Variants in PIGP observed in about 807,000 individuals in gnomAD.
PIGP encodes phosphatidylinositol glycan anchor biosynthesis class P.
In PIGP, 12 loss-of-function variants were observed where a neutral mutation model predicts 16.9. The observed-to-expected ratio is 0.71, with a 90% confidence interval of 0.46 to 1.15. The LOEUF (loss-of-function observed/expected upper bound fraction) is 1.15, where lower values mean the gene tolerates loss of function less well. Among genes scored for constraint, PIGP ranks in the 50% most tolerant of loss-of-function variants. PIGP has a pLI of 0.00. For missense variants in PIGP, 159 were observed against 153.5 expected (o/e 1.04, Z -0.19); for synonymous variants, 57 against 54.7 (o/e 1.04, Z -0.18).
At chr21:37,067,492 T>C (rs1157898259) in intron 3 of PIGP, 112 bp from the exon 4 acceptor site, 2 of 672,942 alleles carry the variant, frequency 3.0e-6, no homozygotes, top group South Asian at 1.8e-5. Flanking sequence ...TAAAGTAATA[T>C]GTGTACATAA....
intron 2 of PIGP, among the ~76,000 whole-genome samples, chr21:37,071,411 C>T (rs1204205835): frequency 6.6e-6 from 1 of 152,154 alleles, no homozygotes. Context: ...CTGTTTCATG[C>T]GTCATAAGCA....
chr21:37,066,098 A>T (rs932939874), intron 4 of PIGP, among the ~76,000 whole-genome samples: 4 of 151,258 alleles, frequency 2.6e-5, no homozygotes, highest in African/African-American at 4.9e-5. Context: ...TAAAAAATAA[A>T]AAATAAATAA....
At chr21:37,071,789 A>G (rs2070060453) in intron 2 of PIGP, among the ~76,000 whole-genome samples, 1 of 152,086 alleles carries the variant, frequency 6.6e-6, no homozygotes, top group African/African-American at 2.4e-5. Flanking sequence ...TGGGCATATT[A>G]GTGTCTTAGT....
intron 3 of PIGP, among the ~76,000 whole-genome samples, 197 bp from the exon 4 acceptor site, chr21:37,067,577 A>G (rs1166468774): frequency 6.6e-6 from 1 of 152,096 alleles, no homozygotes; most frequent in Non-Finnish European, 1.5e-5. Context: ...CTGGGGTCTC[A>G]CTCTCCAAAA....
rs192568600 is a variant in PIGP, at chr21:37,066,542, T to C, written c.274+720A>G. 2.6e-5 allele frequency among the ~76,000 whole-genome samples: 4 copies of C among 151,930 alleles called. No homozygotes were observed. The East Asian group carries it at 7.7e-4, about 29-fold the overall frequency. ...TCTAGAATTTAAGCAAGCTCAGGAG[T>C]CTGATTTATTTTCATCTTTAGACTT... On this transcript the variant is annotated intron_variant, in intron 4 of 4. Transcript: ENST00000360525.
intron 2 of PIGP, 130 bp downstream of exon 2, chr21:37,072,304 A>C: frequency 6.2e-7 from 1 of 1,601,278 alleles, no homozygotes; most frequent in Non-Finnish European, 8.5e-7. Context: ...AGATCCCTTC[A>C]GATTTTCTTA....
chr21:37,071,449 T>C (rs2070023306), intron 2 of PIGP, among the ~76,000 whole-genome samples: 2 of 152,170 alleles, frequency 1.3e-5, no homozygotes, highest in South Asian at 4.1e-4. Context: ...TCACTACCCT[T>C]TTACAGATAA....
In PIGP at chr21:37,068,291, T is replaced by C. The variant is rs62223571; in HGVS notation, c.156-911A>G. ...GTTTGAATTTTTAACGATTATACTT[T>C]CTTATATTTTCATTTTTTTTTGTTC... On this transcript the variant is annotated intron_variant, in intron 3 of 4. Transcript: ENST00000360525. 7.8e-3 allele frequency among the ~76,000 whole-genome samples: 1,184 copies of C among 152,002 alleles called. 4 individuals carry two copies. The highest frequency in any genetic ancestry group is 0.012 in the Non-Finnish European group (811 of 67,960).
chr21:37,070,387 T>C (rs924258483), intron 2 of PIGP, among the ~76,000 whole-genome samples: 3 of 152,224 alleles, frequency 2.0e-5, no homozygotes, highest in African/African-American at 7.2e-5. Context: ...AGACACAATA[T>C]TGAATCCAAA....
intron 2 of PIGP, chr21:37,072,135 G>A (rs779352872): frequency 3.0e-6 from 3 of 991,692 alleles, no homozygotes; most frequent in Non-Finnish European, 3.3e-6. Context: ...AGCATTAACT[G>A]TAGATTTACC....
At chr21:37,072,704 C>A in intron 1 of PIGP, 167 bp from the exon 2 acceptor site, 2 of 1,093,282 alleles carry the variant, frequency 1.8e-6, no homozygotes, top group Non-Finnish European at 1.3e-6. Context: ...GACACCCAGG[C>A]TGGCGCGCGC....
At chr21:37,070,759 G>C (rs1432576391) in intron 2 of PIGP, among the ~76,000 whole-genome samples, 1 of 152,134 alleles carries the variant, frequency 6.6e-6, no homozygotes, top group East Asian at 1.9e-4. Context: ...TTGGTTGTGG[G>C]TATGATGGAA....
At chr21:37,072,386 A>T in intron 2 of PIGP, 48 bp downstream of exon 2, 2 of 1,611,796 alleles carry the variant, frequency 1.2e-6, no homozygotes, top group Non-Finnish European at 1.7e-6. Context: ...TTCCCTTGTC[A>T]CTGAACGCCA....
Position 37,065,618 on chromosome 21 carries a change from G to T in PIGP, c.369C>A (p.Phe123Leu). The T allele has an allele frequency of 6.2e-7, 1 of 1,613,288 alleles. No individual in the cohort carries two copies. Among genetic ancestry groups the T allele is most frequent in the Non-Finnish European group, 8.5e-7 (1 of 1,179,690 alleles). The change falls in exon 5 of 5, where the codon TTC (phenylalanine) becomes TTA (leucine). Residue 123 changes from phenylalanine to leucine, a missense_variant. Phe to Leu is a conservative substitution (Grantham distance 22). Coordinates refer to ENST00000360525, the MANE Select transcript of PIGP (RefSeq NM_153682.3). ...DISISEVNQM[F>L]FLAAKELYTK... Reference sequence around the variant, plus strand: ...TGTAAAGTTCTTTGGCTGCAAGAAAGAACATTTGGTTTACTTCACTAATAG... The same window carrying T: ...TGTAAAGTTCTTTGGCTGCAAGAAATAACATTTGGTTTACTTCACTAATAG...
chr21:37,072,479 CTCTT>C lies in PIGP; in HGVS notation c.33_36del (p.Ala13PhefsTer8), dbSNP rs757316363. The C allele has an allele frequency of 6.2e-7, 1 of 1,614,268 alleles. No homozygotes were observed. Among genetic ancestry groups the C allele is most frequent in the South Asian group, 1.1e-5 (1 of 91,082 alleles). On this transcript the variant is annotated frameshift_variant, in exon 2 of 5. Transcript: ENST00000360525. LOFTEE classifies it high-confidence loss of function. ...AAGAAAAGAACAAAGCCATAAATCGCTCTTTCTGGCAATGGCGACGGTGAATTTT... is the reference window on the plus strand; with the variant it reads ...AAGAAAAGAACAAAGCCATAAATCGCTCTGGCAATGGCGACGGTGAATTTT...
chr21:37,072,477 C>A lies in PIGP; in HGVS notation c.39G>T (p.Ala13=). The change falls in exon 2 of 5, where the codon GCG becomes GCT. Residue 13 remains alanine, a synonymous_variant. Transcript: ENST00000360525. Reference sequence around the variant, plus strand: ...TTAAGAAAAGAACAAAGCCATAAATCGCTCTTTCTGGCAATGGCGACGGTG... The same window carrying A: ...TTAAGAAAAGAACAAAGCCATAAATAGCTCTTTCTGGCAATGGCGACGGTG... ...ENSPSPLPER[A]IYGFVLFLSS... is the part of the protein sequence containing the mutation. 1 of 1,614,266 alleles carries A rather than the reference C, an allele frequency of 6.2e-7. No individual in the cohort carries two copies. The highest frequency in any genetic ancestry group is 8.5e-7 in the Non-Finnish European group (1 of 1,180,048).
At chr21:37,070,795 G>A (rs765003575) in intron 2 of PIGP, among the ~76,000 whole-genome samples, 1 of 152,108 alleles carries the variant, frequency 6.6e-6, no homozygotes, top group Non-Finnish European at 1.5e-5. Flanking sequence ...AGACAGTTTC[G>A]CTCGTTGCCC....
rs1601137759 is a variant in PIGP at position 37,072,660 on chromosome 21, T to TCCGCAACCCGCGCCCCCGC, written c.-22-142_-22-124dup. The TCCGCAACCCGCGCCCCCGC allele has an allele frequency of 7.4e-5, 114 of 1,541,154 alleles. 1 individual carries two copies. The East Asian group carries it at 2.3e-3, about 31-fold the overall frequency. ...CGCAGAACCGCCTCCCGCGCCTCCG[T>TCCGCAACCCGCGCCCCCGC]CCGCAACCCGCGCCCCCGCCTCGAG... is the stretch of plus-strand genomic sequence containing the variant. On this transcript the variant is annotated intron_variant, in intron 1 of 4. Coordinates refer to ENST00000360525, the MANE Select transcript of PIGP (RefSeq NM_153682.3).
rs763425973 is a variant in PIGP at position 37,072,489 on chromosome 21, C to A, written c.27G>T (p.Leu9Phe). The A allele has an allele frequency of 1.6e-5, 26 of 1,614,112 alleles. No individual in the cohort carries two copies. The highest frequency in any genetic ancestry group is 2.2e-5 in the Non-Finnish European group (26 of 1,180,048). Residue 9 changes from leucine to phenylalanine, a missense_variant, in exon 2 of 5, where the codon TTG (leucine) becomes TTT (phenylalanine). Leu to Phe is a conservative substitution (Grantham distance 22). Transcript: ENST00000360525. MVENSPSP[L>F]PERAIYGFVL... ...CAAAGCCATAAATCGCTCTTTCTGG[C>A]AATGGCGACGGTGAATTTTCCACCA...
Sources: gnomAD v4.1 joint callset for allele counts (sites outside exome capture counted in the v4.1 genomes callset) on GRCh38, gnomAD v4.1.1 for gene constraint, MANE v1.5 for transcripts, NCBI Gene and HGNC (gene_info 2026-07-23, HGNC 2026-07-21) for gene names.